C16orf46: variants seen among roughly 807,000 people sequenced by gnomAD.
The protein encoded by C16orf46 is chromosome 16 open reading frame 46, also known as uncharacterized protein C16orf46.
A neutral mutation model predicts 5.5 loss-of-function variants in C16orf46; 7 were observed. The observed-to-expected ratio is 1.28, with a 90% CI of 0.73 to 2.40. C16orf46 has a LOEUF of 2.40. Ranked by LOEUF, C16orf46 falls within the 30% of genes most tolerant of loss-of-function variation. The pLI, the probability that C16orf46 is intolerant of heterozygous loss-of-function variation, is 0.00. For missense variants in C16orf46, 614 were observed against 476.0 expected (o/e 1.29, Z -2.70); for synonymous variants, 200 against 184.1 (o/e 1.09, Z -0.70).
chr16:81,067,877 C>A (rs1971701812), intron 1 of C16orf46, among the ~76,000 whole-genome samples: 1 of 151,988 alleles, frequency 6.6e-6, no homozygotes. Flanking sequence ...CAGTAAAGAC[C>A]TTGAACAAGG....
At chr16:81,069,013 G>A (rs1971752069) in intron 1 of C16orf46, among the ~76,000 whole-genome samples, 1 of 151,990 alleles carries the variant, frequency 6.6e-6, no homozygotes, top group Non-Finnish European at 1.5e-5. Context: ...CCTTCATATT[G>A]TTTTGATAAA....
At chr16:81,074,054 T>C (rs1323978310) in intron 1 of C16orf46, among the ~76,000 whole-genome samples, 1 of 152,254 alleles carries the variant, frequency 6.6e-6, no homozygotes, top group Non-Finnish European at 1.5e-5. Context: ...TTTCTTTCCA[T>C]TGGAAGCTCT....
chr16:81,065,367 A>G (rs1157713660), intron 2 of C16orf46, among the ~76,000 whole-genome samples: 1 of 150,834 alleles, frequency 6.6e-6, no homozygotes, highest in Non-Finnish European at 1.5e-5. Flanking sequence ...CCGGCTACTC[A>G]GGAGGCTGTG....
At position 81,062,113 on chromosome 16, in the gene C16orf46, G is replaced by A. The variant is rs746561469; in HGVS notation, c.236C>T (p.Pro79Leu). 8.8e-6 allele frequency: 14 copies of A among 1,597,758 alleles called. 1 individual carries two copies. The South Asian group carries it at 1.1e-4, about 13-fold the overall frequency. Reference protein sequence around the residue: ...EAVQGWGRTSPAACIWPRKIP... With the variant: ...EAVQGWGRTSLAACIWPRKIP... ...CTTCCTCGGCCAGATGCAGGCAGCT[G>A]GAGAAGTCCTTCCCCACCCTTGGAC... Residue 79 changes from proline (P) to leucine (L), a missense_variant, in exon 4 of 4, where the codon CCA becomes CTA. Physicochemically the swap from Pro to Leu is moderately conservative, Grantham distance 98. Transcript: ENST00000299578.
At chr16:81,074,443 G>A (rs537885397) in intron 1 of C16orf46, among the ~76,000 whole-genome samples, 10 of 151,930 alleles carry the variant, frequency 6.6e-5, no homozygotes, top group African/African-American at 2.4e-4. Flanking sequence ...GGAGTACAGT[G>A]GTATGATCTC....
At chr16:81,076,294 G>A (rs573101894) in intron 1 of C16orf46, 5 of 151,318 alleles carry the variant, frequency 3.3e-5, no homozygotes, top group African/African-American at 1.2e-4. Context: ...ACACTGGAAG[G>A]AGCTGAACCT....
chr16:81,061,531 G>C lies in C16orf46; in HGVS notation c.818C>G (p.Pro273Arg), dbSNP rs959018661. The C allele has an allele frequency of 6.2e-7, 1 of 1,614,196 alleles. No homozygotes were observed. The highest frequency in any genetic ancestry group is 8.5e-7 in the Non-Finnish European group (1 of 1,180,042). The change falls in exon 4 of 4, where the codon CCT (proline) becomes CGT (arginine). Residue 273 changes from proline (P) to arginine (R), a missense_variant. Transcript: ENST00000299578. The part of the protein sequence containing the change: ...EKRASELAKH[P>R]MVNDTPSSPS... ...GGAGGATGGCGTGTCGTTGACCATA[G>C]GGTGTTTGGCCAGCTCACTGGCTCT...
At chr16:81,069,976 A>T (rs1164585554) in intron 1 of C16orf46, 1 of 152,150 alleles carries the variant, frequency 6.6e-6, no homozygotes, top group Middle Eastern at 3.2e-3. Context: ...TACAAAAAAA[A>T]TTAGCTGGGC....
downstream of C16orf46, among the ~76,000 whole-genome samples, chr16:81,057,054 A>G (rs1270910574): frequency 1.3e-5 from 2 of 152,078 alleles, no homozygotes; most frequent in East Asian, 3.9e-4. Flanking sequence ...GGCATCTAAT[A>G]TGTCAAGGCC....
At chr16:81,072,114 T>G (rs753090200) in intron 1 of C16orf46, 4 of 152,378 alleles carry the variant, frequency 2.6e-5, no homozygotes, top group Non-Finnish European at 4.4e-5. Flanking sequence ...GACTCACAGC[T>G]TTGAGAAATG....
intron 1 of C16orf46, among the ~76,000 whole-genome samples, chr16:81,072,989 T>G (rs1327513458): frequency 2.0e-5 from 3 of 152,140 alleles, no homozygotes; most frequent in Non-Finnish European, 4.4e-5. Flanking sequence ...TATAACATAC[T>G]TTAAAAAATA....
intron 1 of C16orf46, among the ~76,000 whole-genome samples, chr16:81,068,817 T>A (rs2151755102): frequency 6.6e-6 from 1 of 152,296 alleles, no homozygotes; most frequent in East Asian, 1.9e-4. Context: ...TTCTTGTGCC[T>A]CAGCCTCCCA....
At position 81,053,790 on chromosome 16, in the gene C16orf46, TTTG is replaced by T. The variant is rs1971213615; in HGVS notation, c.*278_*280del. 1.2e-5 allele frequency: 4 copies of T among 344,732 alleles called. No individual in the cohort carries two copies. In the South Asian group the frequency reaches 3.7e-4, roughly 32 times the overall value. 21.4% of individuals were successfully genotyped at this position (344,732 alleles called of 1,614,324 possible). A position where few individuals can be genotyped will look rare whatever the true frequency, so the allele number is the denominator to read the frequency against. On this transcript the variant is annotated 3_prime_UTR_variant, in exon 4 of 4. Transcript: ENST00000378611. ...GTTTTGAAATTATCTCCACGGTGACTTTGTTATTTTCAAAAGTACATATATTAT... is the reference window on the plus strand; with the variant it reads ...GTTTTGAAATTATCTCCACGGTGACTTTATTTTCAAAAGTACATATATTAT...
At chr16:81,054,139 C>T in intron 3 of C16orf46, 1 of 1,585,884 alleles carries the variant, frequency 6.3e-7, no homozygotes, top group South Asian at 1.1e-5. Flanking sequence ...AGAGCCCATG[C>T]TGCAATGAAA....
At position 81,061,256 on chromosome 16, in the gene C16orf46, G is replaced by T. The variant is rs1971457408; in HGVS notation, c.1093C>A (p.Gln365Lys). Residue 365 changes from glutamine to lysine, a missense_variant, in exon 4 of 4, where the codon CAA (glutamine) becomes AAA (lysine). Coordinates refer to ENST00000299578, the MANE Select transcript of C16orf46 (RefSeq NM_152337.3). Reference protein sequence around the residue: ...LPKAKQENRPQMLETKVFPRP... With the variant: ...LPKAKQENRPKMLETKVFPRP... ...GGGAAAACTTTGGTCTCCAGCATTT[G>T]GGGCCTGTTTTCCTGCTTGGCCTTT... The T allele has an allele frequency of 5.0e-6, 8 of 1,614,112 alleles. No homozygotes were observed. Among genetic ancestry groups the T allele is most frequent in the East Asian group, 4.5e-5 (2 of 44,862 alleles).
downstream of C16orf46, chr16:81,060,927 A>C: frequency 1.6e-6 from 2 of 1,250,102 alleles, no homozygotes; most frequent in Non-Finnish European, 2.0e-6. Flanking sequence ...AAGTAGCAGA[A>C]GCACGTTAAC....
chr16:81,060,098 A>C (rs1410095862), downstream of C16orf46, among the ~76,000 whole-genome samples: 1 of 151,700 alleles, frequency 6.6e-6, no homozygotes, highest in East Asian at 2.0e-4. Context: ...CCAAAAAGTA[A>C]TTATTCTTAA....
At chr16:81,060,896 A>G, downstream of C16orf46, 3 of 1,024,640 alleles carry the variant, frequency 2.9e-6, 1 homozygote, top group South Asian at 9.5e-5. Flanking sequence ...GGCAAGACCA[A>G]TTGGCATTTT....
chr16:81,074,408 C>CA (rs1253500020), intron 1 of C16orf46, among the ~76,000 whole-genome samples: 1 of 151,122 alleles, frequency 6.6e-6, no homozygotes, highest in Non-Finnish European at 1.5e-5. Context: ...TTTTTTTAGA[C>CA]AGAGTCTCGC....
Sources: allele counts gnomAD v4.1 joint callset (sites outside exome capture counted in the v4.1 genomes callset), GRCh38; gene constraint gnomAD v4.1.1; transcripts MANE v1.5; gene names NCBI Gene and HGNC (gene_info 2026-07-23, HGNC 2026-07-21).